The following KCNQ1 variants were observed in gnomAD, a reference collection of about 807,000 sequenced individuals.
The protein encoded by KCNQ1 is potassium voltage-gated channel subfamily KQT member 1.
Under a neutral mutation model 72.4 loss-of-function variants are expected in KCNQ1, and 49 were observed. The observed-to-expected ratio is 0.68, with a 90% CI of 0.54 to 0.86. KCNQ1 has a LOEUF of 0.86. Ranked by LOEUF, KCNQ1 falls within the 40% of genes least tolerant of loss-of-function variation. KCNQ1 has a pLI of 0.00. For missense variants in KCNQ1, 790 were observed against 945.1 expected (o/e 0.84, Z 2.15); for synonymous variants, 450 against 412.6 (o/e 1.09, Z -1.10).
intron 11 of KCNQ1, among the ~76,000 whole-genome samples, chr11:2,731,412 G>GA (rs1207023581): frequency 2.6e-5 from 4 of 152,220 alleles, no homozygotes; most frequent in African/African-American, 9.7e-5. Context: ...TGTGTCAGCG[G>GA]GAGAGGCCTG....
chr11:2,555,289 C>T (rs867632768), intron 2 of KCNQ1, among the ~76,000 whole-genome samples: 4 of 152,158 alleles, frequency 2.6e-5, no homozygotes, highest in South Asian at 2.1e-4. Context: ...TAATGTCCCC[C>T]GCTCCACCCC....
rs149536240 is a variant in KCNQ1 at position 2,713,029 on chromosome 11, A to G, written c.1514+50948A>G. Among the ~76,000 whole-genome samples, 22 of 152,316 alleles carry G rather than the reference A, an allele frequency of 1.4e-4. No individual in the cohort carries two copies. The highest frequency in any genetic ancestry group is 5.3e-4 in the African/African-American group (22 of 41,568). ...TAAGTATGAGGAACCACCCCTTGGC[A>G]TGGGGCACCCAGAAGGCAGCAGGCT... is the stretch of plus-strand genomic sequence containing the variant. On this transcript the variant is annotated intron_variant, in intron 11 of 15. Transcript: ENST00000155840. The surrounding 1 kb of genome is among the most constrained non-coding windows in gnomAD (Gnocchi z 5.6).
rs1846241580 is a variant in KCNQ1 at position 2,752,454 on chromosome 11, T to TA, written c.1515-16389dup. 6.6e-6 allele frequency among the ~76,000 whole-genome samples: 1 copy of TA among 152,204 alleles called. No individual in the cohort carries two copies. Among genetic ancestry groups the TA allele is most frequent in the Non-Finnish European group, 1.5e-5 (1 of 68,040 alleles). ...TAGTGTCTTAATCTGTTCAGTCTGCTATAACCAAATACCTTAGACCTGGTG... is the reference window on the plus strand; with the variant it reads ...TAGTGTCTTAATCTGTTCAGTCTGCTAATAACCAAATACCTTAGACCTGGTG... On this transcript the variant is annotated intron_variant, in intron 11 of 15. Transcript: ENST00000155840. The surrounding 1 kb of genome is among the most constrained non-coding windows in gnomAD (Gnocchi z 5.2).
rs1849787981 is a variant in KCNQ1, at chr11:2,653,415, A to G, written c.1394-8546A>G. On this transcript the variant is annotated intron_variant, in intron 10 of 15. Transcript: ENST00000155840. This position sits in a 1 kb window ranked among gnomAD's most constrained non-coding sequence, Gnocchi z 5.3. ...CTTGGTAACAAATGATGGAACCCCA[A>G]CTCAAACAAGCTTAAGCACAAAAGG... The G allele has an allele frequency of 5.0e-6, 2 of 398,646 alleles. No homozygotes were observed. Among genetic ancestry groups the G allele is most frequent in the Middle Eastern group, 6.3e-4 (1 of 1,588 alleles). The allele number at this position is 398,646 out of a possible 1,614,324, so 24.7% of individuals were successfully genotyped here.
In KCNQ1 at chr11:2,536,103, C is replaced by T. The variant is rs56169764; in HGVS notation, c.477+8085C>T. On this transcript the variant is annotated intron_variant, in intron 2 of 15. Coordinates refer to ENST00000155840, the MANE Select transcript of KCNQ1 (RefSeq NM_000218.3). The surrounding 1 kb of genome is among the most constrained non-coding windows in gnomAD (Gnocchi z 7.4). ...GTCCCCAGCCACCCAGCCCCATGCA[C>T]AGGCCACGCGGCGACAGGGGCTGCT... is the stretch of plus-strand genomic sequence containing the variant. Among the ~76,000 whole-genome samples the T allele has an allele frequency of 0.053, 8,128 of 152,336 alleles. 304 individuals are homozygous for T. Among genetic ancestry groups the T allele is most frequent in the Middle Eastern group, 0.088 (26 of 294 alleles).
At position 2,620,990 on chromosome 11, in the gene KCNQ1, T is replaced by C; in HGVS notation, c.1393+32136T>C. The C allele has an allele frequency of 2.5e-6, 1 of 397,916 alleles. No individual in the cohort carries two copies. The highest frequency in any genetic ancestry group is 4.4e-6 in the Non-Finnish European group (1 of 226,024). 24.6% of individuals were successfully genotyped at this position (397,916 alleles called of 1,614,324 possible). A position where few individuals can be genotyped will look rare whatever the true frequency, so the allele number is the denominator to read the frequency against. On this transcript the variant is annotated intron_variant, in intron 10 of 15. Transcript: ENST00000155840. The surrounding 1 kb of genome is among the most constrained non-coding windows in gnomAD (Gnocchi z 4.5). ...TTTTGCTTTTTTGTTTGTTTGTTTG[T>C]TTTTTGAGAAAGAGTCTTGCTCTGT...
rs1355330061 is a variant in KCNQ1, at chr11:2,492,854, T to C, written c.387-35074T>C. On this transcript the variant is annotated intron_variant, in intron 1 of 15. Coordinates refer to ENST00000155840, the MANE Select transcript of KCNQ1 (RefSeq NM_000218.3). This position sits in a 1 kb window ranked among gnomAD's most constrained non-coding sequence, Gnocchi z 4.1. Reference sequence around the variant, plus strand: ...TTTATAGTAGAATGATTTATAATCCTTTGGGTATATACCCAGTAATGGGAT... The same window carrying C: ...TTTATAGTAGAATGATTTATAATCCCTTGGGTATATACCCAGTAATGGGAT... Among the ~76,000 whole-genome samples the C allele has an allele frequency of 6.6e-6, 1 of 152,234 alleles. No individual in the cohort carries two copies. The highest frequency in any genetic ancestry group is 1.9e-4 in the East Asian group (1 of 5,200).
rs900623700 is a variant in KCNQ1, at chr11:2,494,515, T to C, written c.387-33413T>C. Among the ~76,000 whole-genome samples the C allele has an allele frequency of 2.0e-5, 3 of 152,204 alleles. No individual in the cohort carries two copies. The highest frequency in any genetic ancestry group is 2.0e-4 in the Admixed American group (3 of 15,286). On this transcript the variant is annotated intron_variant, in intron 1 of 15. Coordinates refer to ENST00000155840, the MANE Select transcript of KCNQ1 (RefSeq NM_000218.3). The surrounding 1 kb of genome is among the most constrained non-coding windows in gnomAD (Gnocchi z 4.6). The stretch of plus-strand genomic sequence containing the variant: ...AAATAGCTCTTGTTATTTTGAGATA[T>C]GTTCCATCAATTCCTAGTTTATTGA...
At chr11:2,778,084 GC>G in intron 15 of KCNQ1, 47 bp downstream of exon 15, 8 of 1,571,772 alleles carry the variant, frequency 5.1e-6, no homozygotes, top group Non-Finnish European at 7.0e-6. Flanking sequence ...GCGTCCTGGG[GC>G]CAGCAGGCAC....
intron 15 of KCNQ1, among the ~76,000 whole-genome samples, chr11:2,841,940 G>A (rs866782452): frequency 1.4e-4 from 21 of 152,302 alleles, no homozygotes; most frequent in South Asian, 6.2e-4. Context: ...GCCAGGCAGC[G>A]GCAGCCCCAG....
chr11:2,559,786 C>T lies in KCNQ1; in HGVS notation c.478-10842C>T, dbSNP rs1848132061. On this transcript the variant is annotated intron_variant, in intron 2 of 15. Coordinates refer to ENST00000155840, the MANE Select transcript of KCNQ1 (RefSeq NM_000218.3). The surrounding 1 kb of genome is among the most constrained non-coding windows in gnomAD (Gnocchi z 4.9). Reference sequence around the variant, plus strand: ...AGCTCTGAAGGTCAGAGATGGCCGCCAGCTGTGGGAAGGCCTGTGGCTAGG... The same window carrying T: ...AGCTCTGAAGGTCAGAGATGGCCGCTAGCTGTGGGAAGGCCTGTGGCTAGG... 6.6e-6 allele frequency among the ~76,000 whole-genome samples: 1 copy of T among 152,076 alleles called. No homozygotes were observed. The highest frequency in any genetic ancestry group is 2.4e-5 in the African/African-American group (1 of 41,418).
chr11:2,733,849 C>CGCTCTTGCTCTT (rs58155156), intron 11 of KCNQ1, among the ~76,000 whole-genome samples: 1 of 35,196 alleles, frequency 2.8e-5, no homozygotes, highest in Non-Finnish European at 5.7e-5. Context: ...CTCTCTCTCT[C>CGCTCTTGCTCTT]TCTCTCTCCC....
At chr11:2,708,308 G>A (rs778953485) in intron 11 of KCNQ1, among the ~76,000 whole-genome samples, 2 of 152,326 alleles carry the variant, frequency 1.3e-5, no homozygotes, top group Non-Finnish European at 2.9e-5. Flanking sequence ...GGCCCGGGCC[G>A]CTGGCATGGC....
chr11:2,838,524 G>T (rs76863355), intron 15 of KCNQ1, among the ~76,000 whole-genome samples: 6,941 of 152,208 alleles, frequency 0.046, 563 homozygotes, highest in African/African-American at 0.16. Flanking sequence ...GGAGGCGAGA[G>T]GAAGTATCTA....
At chr11:2,571,520 C>T (rs1311796194) in intron 4 of KCNQ1, 117 bp downstream of exon 4, 2 of 836,150 alleles carry the variant, frequency 2.4e-6, no homozygotes, top group African/African-American at 1.7e-5. Flanking sequence ...CCTTGGTGCC[C>T]ACTGCCCCCG....
In KCNQ1 at chr11:2,664,362, GA is replaced by G; in HGVS notation, c.1514+2283del. 1 of 398,848 alleles carries G rather than the reference GA, an allele frequency of 2.5e-6. No homozygotes were observed. 24.7% of individuals were successfully genotyped at this position (398,848 alleles called of 1,614,324 possible). Reference sequence around the variant, plus strand: ...GGGGAGCTGGGTTCCTGCATCCTCAGAAGTCAGGGTACGGTCCCTCCAGAGA... The same window carrying G: ...GGGGAGCTGGGTTCCTGCATCCTCAGAGTCAGGGTACGGTCCCTCCAGAGA... On this transcript the variant is annotated intron_variant, in intron 11 of 15. Coordinates refer to ENST00000155840, the MANE Select transcript of KCNQ1 (RefSeq NM_000218.3). This position sits in a 1 kb window ranked among gnomAD's most constrained non-coding sequence, Gnocchi z 5.1.
In KCNQ1 at chr11:2,613,353, T is replaced by C. The variant is rs1849011378; in HGVS notation, c.1393+24499T>C. 2.5e-6 allele frequency: 1 copy of C among 398,634 alleles called. No homozygotes were observed. Among genetic ancestry groups the C allele is most frequent in the Non-Finnish European group, 4.4e-6 (1 of 226,062 alleles). 24.7% of individuals were successfully genotyped at this position (398,634 alleles called of 1,614,324 possible). On this transcript the variant is annotated intron_variant, in intron 10 of 15. Transcript: ENST00000155840. The surrounding 1 kb of genome is among the most constrained non-coding windows in gnomAD (Gnocchi z 4.8). ...TAATCTGTCGCTTGCCCAACCAGTA[T>C]TGAAACATTAGGTTGCTGTGATGTG... is the stretch of plus-strand genomic sequence containing the variant.
At position 2,516,345 on chromosome 11, in the gene KCNQ1, C is replaced by T. The variant is rs774580501; in HGVS notation, c.387-11583C>T. On this transcript the variant is annotated intron_variant, in intron 1 of 15. Transcript: ENST00000155840. This position sits in a 1 kb window ranked among gnomAD's most constrained non-coding sequence, Gnocchi z 7.0. Reference sequence around the variant, plus strand: ...TGGGCTTTAAATGGCTCAGTCCCAGCGTCCCCTCATGCCTGGGACCGCTGA... The same window carrying T: ...TGGGCTTTAAATGGCTCAGTCCCAGTGTCCCCTCATGCCTGGGACCGCTGA... Among the ~76,000 whole-genome samples, 5 of 152,010 alleles carry T rather than the reference C, an allele frequency of 3.3e-5. No homozygotes were observed. The highest frequency in any genetic ancestry group is 7.4e-5 in the Non-Finnish European group (5 of 68,012).
chr11:2,688,182 GCA>G, intron 11 of KCNQ1: 1 of 398,830 alleles, frequency 2.5e-6, no homozygotes, highest in Non-Finnish European at 4.4e-6. Flanking sequence ...CAGCTCCCAA[GCA>G]AGGGGGCAGG....
Sources: gnomAD v4.1 joint callset for allele counts (sites outside exome capture counted in the v4.1 genomes callset) on GRCh38, gnomAD v4.1.1 for gene constraint, Gnocchi (gnomAD v3.1) non-coding constraint, MANE v1.5 for transcripts, NCBI Gene and HGNC (gene_info 2026-07-23, HGNC 2026-07-21) for gene names.